Variants in ARHGEF6 observed in about 807,000 individuals in gnomAD.
ARHGEF6 encodes the protein rho guanine nucleotide exchange factor 6.
ARHGEF6 carries 9 observed loss-of-function variants against 70.3 expected under a neutral mutation model. That is an observed-to-expected ratio of 0.13 (90% CI 0.08 to 0.22). The LOEUF (loss-of-function observed/expected upper bound fraction) is 0.22, where lower values mean the gene tolerates loss of function less well. Ranked by LOEUF, ARHGEF6 falls within the 10% of genes least tolerant of loss-of-function variation. The pLI is 1.00. For missense variants in ARHGEF6, 470 were observed against 563.0 expected, an observed-to-expected ratio of 0.83 and a Z score of 1.67; for synonymous variants, 201 against 207.8, an observed-to-expected ratio of 0.97 and a Z score of 0.28.
chrX:136,703,270 T>G (rs1185647471), intron 9 of ARHGEF6, among the ~76,000 whole-genome samples: 2 of 112,124 alleles, frequency 1.8e-5, no homozygotes, highest in East Asian at 5.5e-4. Context: ...TTTTTGTGCT[T>G]CAGAGAACAC....
intron 2 of ARHGEF6, among the ~76,000 whole-genome samples, chrX:136,750,530 G>A (rs1259009202): frequency 1.8e-5 from 2 of 111,220 alleles, no homozygotes; most frequent in East Asian, 5.6e-4. Flanking sequence ...AGTTAGATCC[G>A]TGAAGGTCAG....
At position 136,745,406 on chromosome X, in the gene ARHGEF6, G is replaced by A. The variant is rs746025385; in HGVS notation, c.335-59C>T. On this transcript the variant is annotated intron_variant, in intron 3 of 21. Coordinates refer to ENST00000250617, the MANE Select transcript of ARHGEF6 (RefSeq NM_004840.3). ...CACTCAGATCAGAAAAACATCTACC[G>A]CATAACATTATCTTTCTCAGGATAC... 6.2e-4 allele frequency: 729 copies of A among 1,168,085 alleles called. 3 individuals are homozygous for A. The highest frequency in any genetic ancestry group is 9.4e-4 in the Middle Eastern group (4 of 4,246).
At chrX:136,770,282 T>C (rs1380464887) in intron 2 of ARHGEF6, among the ~76,000 whole-genome samples, 1 of 112,460 alleles carries the variant, frequency 8.9e-6, no homozygotes, top group Non-Finnish European at 1.9e-5. Context: ...TAATACAGCA[T>C]ACAAATATAA....
At chrX:136,741,289 G>T (rs778667113) in intron 5 of ARHGEF6, among the ~76,000 whole-genome samples, 15 of 111,420 alleles carry the variant, frequency 1.3e-4, no homozygotes, top group Non-Finnish European at 2.6e-4. Flanking sequence ...CCATTTATAC[G>T]TGAAGACAAT....
chrX:136,771,844 T>C, intron 2 of ARHGEF6, among the ~76,000 whole-genome samples: 1 of 112,027 alleles, frequency 8.9e-6, no homozygotes, highest in African/African-American at 3.2e-5. Flanking sequence ...ATGGACAGTT[T>C]GGAGGTGCCT....
At chrX:136,772,077 A>C (rs1199650577) in intron 2 of ARHGEF6, among the ~76,000 whole-genome samples, 1 of 112,786 alleles carries the variant, frequency 8.9e-6, no homozygotes, top group Admixed American at 9.4e-5. Flanking sequence ...CTATTCAGCC[A>C]TAAAGAAGAA....
intron 6 of ARHGEF6, among the ~76,000 whole-genome samples, chrX:136,715,577 T>C (rs1350315962): frequency 9.1e-6 from 1 of 109,310 alleles, no homozygotes; most frequent in Admixed American, 9.8e-5. Flanking sequence ...ATAAAGAGAA[T>C]CACAAATTAC....
At chrX:136,701,286 C>A (rs2076568195) in intron 9 of ARHGEF6, among the ~76,000 whole-genome samples, 1 of 110,854 alleles carries the variant, frequency 9.0e-6, no homozygotes, top group Admixed American at 9.6e-5. Context: ...GAACACCAAG[C>A]AGGATATATA....
At chrX:136,685,645 A>T in intron 12 of ARHGEF6, 32 bp downstream of exon 12, 1 of 1,185,606 alleles carries the variant, frequency 8.4e-7, no homozygotes, top group Non-Finnish European at 1.1e-6. Context: ...CGAAAGATGG[A>T]AGAAATAATG....
chrX:136,777,528 T>G (rs1401372258), intron 2 of ARHGEF6, among the ~76,000 whole-genome samples: 1 of 111,057 alleles, frequency 9.0e-6, no homozygotes, highest in African/African-American at 3.3e-5. Context: ...ATGGAAAACC[T>G]TAAGTATGGA....
chrX:136,669,998 C>T (rs1429568669), intron 20 of ARHGEF6, among the ~76,000 whole-genome samples: 1 of 111,971 alleles, frequency 8.9e-6, no homozygotes, highest in Non-Finnish European at 1.9e-5. Context: ...TGGAAATCTA[C>T]ACTCTTAGCA....
intron 19 of ARHGEF6, among the ~76,000 whole-genome samples, chrX:136,673,701 T>C (rs1236529270): frequency 6.3e-5 from 7 of 111,182 alleles, no homozygotes; most frequent in African/African-American, 2.3e-4. Flanking sequence ...CCTTGAAACA[T>C]GTTATCAGAG....
At position 136,681,934 on chromosome X, in the gene ARHGEF6, C is replaced by T. The variant is rs1373168537; in HGVS notation, c.1514G>A (p.Arg505Lys). The T allele has an allele frequency of 8.3e-7, 1 of 1,208,274 alleles. No homozygotes were observed. The highest frequency in any genetic ancestry group is 1.1e-6 in the Non-Finnish European group (1 of 892,397). Residue 505 changes from arginine to lysine, a missense_variant, in exon 14 of 22, where the codon AGA becomes AAA. Arg to Lys is a conservative substitution (Grantham distance 26, BLOSUM62 2). Around this residue, in one of 3 missense-constraint regions of ARHGEF6, gnomAD observed 379 missense variants for 449.3 expected, o/e 0.84. Transcript: ENST00000250617. ...GTCATTCCCTTCAATTTCATCTAAT[C>T]TAGTCACCACCGTTCCTGCTATTGG... ...KIPIAGTVVT[R>K]LDEIEGNDCT...
At position 136,767,586 on chromosome X, in the gene ARHGEF6, C is replaced by T. The variant is rs1016410137; in HGVS notation, c.249+11828G>A. 1.3e-5 allele frequency: 10 copies of T among 753,261 alleles called. 1 individual carries two copies. The Admixed American group carries it at 8.6e-4, about 65-fold the overall frequency. The allele number at this position is 753,261 out of a possible 1,213,427, so 62.1% of individuals were successfully genotyped here. The stretch of plus-strand genomic sequence containing the variant: ...AACTGGGGGTGCCGGAGGCGCGCCC[C>T]GCTGGGTGCGCTGGCTGCGAGCCGG... On this transcript the variant is annotated intron_variant, in intron 2 of 21. Coordinates refer to ENST00000250617, the MANE Select transcript of ARHGEF6 (RefSeq NM_004840.3).
chrX:136,699,487 A>G (rs1366331054), intron 9 of ARHGEF6, among the ~76,000 whole-genome samples: 1 of 112,086 alleles, frequency 8.9e-6, no homozygotes. Flanking sequence ...CTTGGAAGTC[A>G]TCACACTATA....
chrX:136,776,784 G>A (rs2077408067), intron 2 of ARHGEF6, among the ~76,000 whole-genome samples: 1 of 110,412 alleles, frequency 9.1e-6, no homozygotes, highest in Non-Finnish European at 1.9e-5. Flanking sequence ...AACTCACAAT[G>A]TGGGAGAAAA....
At chrX:136,703,281 C>A (rs1030147759) in intron 9 of ARHGEF6, among the ~76,000 whole-genome samples, 1 of 111,602 alleles carries the variant, frequency 9.0e-6, no homozygotes, top group African/African-American at 3.3e-5. Context: ...CAGAGAACAC[C>A]ATCAAGAAAC....
At chrX:136,763,546 C>T (rs748864575) in intron 2 of ARHGEF6, among the ~76,000 whole-genome samples, 36 of 112,204 alleles carry the variant, frequency 3.2e-4, no homozygotes, top group African/African-American at 1.1e-3. Flanking sequence ...TGATCACGGC[C>T]GGGCACGGTG....
At chrX:136,767,205 G>A in intron 2 of ARHGEF6, 3 of 755,231 alleles carry the variant, frequency 4.0e-6, no homozygotes, top group Non-Finnish European at 4.7e-6. Context: ...CGCCGCCGCC[G>A]CCTCCTGGAA....
Sources: gnomAD v4.1 joint callset for allele counts (sites outside exome capture counted in the v4.1 genomes callset) on GRCh38, gnomAD v4.1.1 for gene constraint, gnomAD v4.1.1 regional missense constraint, MANE v1.5 for transcripts, NCBI Gene and HGNC (gene_info 2026-07-23, HGNC 2026-07-21) for gene names.